Variants in TBC1D16 observed in about 807,000 individuals in gnomAD.
TBC1D16 encodes CTD-2529O21.1.
In TBC1D16, 58 loss-of-function variants were observed where a neutral mutation model predicts 74.7. The observed-to-expected ratio is 0.78, with a 90% CI of 0.63 to 0.97. The LOEUF is 0.97. TBC1D16 is among the 50% of genes least tolerant of loss of function. The pLI, the probability that TBC1D16 is intolerant of heterozygous loss-of-function variation, is 0.00. For synonymous variants in TBC1D16, 493 were observed against 474.7 expected, an observed-to-expected ratio of 1.04 and a Z score of -0.50; for missense variants, 1,014 against 1,079.5, an observed-to-expected ratio of 0.94 and a Z score of 0.85.
Position 79,939,969 on chromosome 17 carries a change from G to C in TBC1D16, c.*890C>G, listed in dbSNP as rs907124871. On this transcript the variant is annotated 3_prime_UTR_variant, in exon 12 of 12. Coordinates refer to ENST00000310924, the MANE Select transcript of TBC1D16 (RefSeq NM_019020.4). ...GGATCTTGCAAACACAAACACGCAC[G>C]CACGTGTGCATGCATGCATGCACGC... 2 of 152,132 alleles carry C rather than the reference G, an allele frequency of 1.3e-5. No homozygotes were observed. The highest frequency in any genetic ancestry group is 4.8e-5 in the African/African-American group (2 of 41,404). The allele number at this position is 152,132 out of a possible 1,614,324, so 9.4% of individuals were successfully genotyped here.
At chr17:79,945,149 G>GC in intron 9 of TBC1D16, 62 bp from the exon 10 acceptor site, 1 of 1,485,158 alleles carries the variant, frequency 6.7e-7, no homozygotes, top group South Asian at 1.3e-5. Flanking sequence ...TGCCCAGGAA[G>GC]CCCACTCCCA....
At position 79,950,162 on chromosome 17, in the gene TBC1D16, C is replaced by T. The variant is rs189985897; in HGVS notation, c.1257+249G>A. Among the ~76,000 whole-genome samples, 34 of 151,924 alleles carry T rather than the reference C, an allele frequency of 2.2e-4. No homozygotes were observed. Among genetic ancestry groups the T allele is most frequent in the African/African-American group, 7.5e-4 (31 of 41,472 alleles). Reference sequence around the variant, plus strand: ...GCATTTCACTGCAAACCCTTCTATGCAGGCTGACACGGTATCCCCCCAAAC... The same window carrying T: ...GCATTTCACTGCAAACCCTTCTATGTAGGCTGACACGGTATCCCCCCAAAC... On this transcript the variant is annotated intron_variant, in intron 6 of 11. Transcript: ENST00000310924. This position sits in a 1 kb window ranked among gnomAD's most constrained non-coding sequence, Gnocchi z 4.6.
intron 3 of TBC1D16, among the ~76,000 whole-genome samples, chr17:79,976,846 C>A (rs533177436): frequency 2.0e-5 from 3 of 152,304 alleles, no homozygotes; most frequent in African/African-American, 7.2e-5. Flanking sequence ...TCTATGGAAT[C>A]GGTCCCCAGA....
At chr17:80,032,725 A>G (rs1474365128) in intron 1 of TBC1D16, among the ~76,000 whole-genome samples, 1 of 152,182 alleles carries the variant, frequency 6.6e-6, no homozygotes, top group Non-Finnish European at 1.5e-5. Context: ...ACAGCAATAT[A>G]ATGCAAATGC....
rs2032373731 is a variant in TBC1D16 at position 79,944,868 on chromosome 17, T to C, written c.1908+40A>G. On this transcript the variant is annotated intron_variant, in intron 10 of 11. Coordinates refer to ENST00000310924, the MANE Select transcript of TBC1D16 (RefSeq NM_019020.4). This position sits in a 1 kb window ranked among gnomAD's most constrained non-coding sequence, Gnocchi z 7.7. ...GGTGGCCACGGTGGTTCAGGGGCCA[T>C]GGTCCCAACCTCCCCAGCCCTGGCC... 2 of 1,511,874 alleles carry C rather than the reference T, an allele frequency of 1.3e-6. No individual in the cohort carries two copies. Among genetic ancestry groups the C allele is most frequent in the Non-Finnish European group, 1.8e-6 (2 of 1,126,526 alleles). 93.7% of individuals were successfully genotyped at this position (1,511,874 alleles called of 1,614,324 possible).
In TBC1D16 at chr17:79,971,881, G is replaced by A. The variant is rs2034120125; in HGVS notation, c.780-19063C>T. Among the ~76,000 whole-genome samples, 1 of 152,186 alleles carries A rather than the reference G, an allele frequency of 6.6e-6. No homozygotes were observed. Among genetic ancestry groups the A allele is most frequent in the Admixed American group, 6.5e-5 (1 of 15,276 alleles). ...GGAGCAGGTGGCATGGGGGCTGGCT[G>A]TGGGGGTCTTTGTGGGGAAGAAAGA... On this transcript the variant is annotated intron_variant, in intron 3 of 11. Transcript: ENST00000310924. This position sits in a 1 kb window ranked among gnomAD's most constrained non-coding sequence, Gnocchi z 4.6.
intron 9 of TBC1D16, among the ~76,000 whole-genome samples, chr17:79,946,214 G>A (rs1041269158): frequency 1.1e-4 from 16 of 152,240 alleles, no homozygotes; most frequent in Non-Finnish European, 2.4e-4. Flanking sequence ...CCACGGACAA[G>A]GTAGTGCGAA....
At chr17:80,020,163 G>A (rs1027077737) in intron 1 of TBC1D16, among the ~76,000 whole-genome samples, 2 of 149,768 alleles carry the variant, frequency 1.3e-5, no homozygotes, top group African/African-American at 5.1e-5. Flanking sequence ...CAATCCTGCC[G>A]ACACCTTGAT....
At chr17:79,949,255 G>A (rs1289259812) in intron 7 of TBC1D16, among the ~76,000 whole-genome samples, 2 of 152,276 alleles carry the variant, frequency 1.3e-5, no homozygotes, top group Non-Finnish European at 2.9e-5. Context: ...GCAGCCCAGT[G>A]GGTAATGAGG....
At chr17:79,989,607 T>G (rs1267562472) in intron 3 of TBC1D16, among the ~76,000 whole-genome samples, 1 of 152,252 alleles carries the variant, frequency 6.6e-6, no homozygotes, top group Non-Finnish European at 1.5e-5. Context: ...TAGATACTGC[T>G]CATGTATTCT....
chr17:79,946,302 C>G (rs2032531076), intron 9 of TBC1D16, among the ~76,000 whole-genome samples: 1 of 152,240 alleles, frequency 6.6e-6, no homozygotes, highest in Non-Finnish European at 1.5e-5. Context: ...CTAGACCCCT[C>G]ACATGCTCAG....
At chr17:79,982,008 T>C (rs576008799) in intron 3 of TBC1D16, among the ~76,000 whole-genome samples, 19 of 152,370 alleles carry the variant, frequency 1.2e-4, no homozygotes, top group Non-Finnish European at 2.5e-4. Context: ...TCAGTTACTA[T>C]ATCCAGGGCC....
chr17:79,942,624 G>T (rs1474604644), intron 10 of TBC1D16, among the ~76,000 whole-genome samples: 3 of 152,176 alleles, frequency 2.0e-5, no homozygotes, highest in African/African-American at 7.2e-5. Context: ...GGTGTGTGCG[G>T]AAGTCTGGGT....
intron 3 of TBC1D16, among the ~76,000 whole-genome samples, chr17:79,996,221 C>T (rs1466198239): frequency 6.6e-6 from 1 of 152,198 alleles, no homozygotes; most frequent in East Asian, 1.9e-4. Context: ...CTGGTTGCCA[C>T]AATAAATCAT....
At chr17:80,025,115 C>CACCATGACACACA (rs1378974240) in intron 1 of TBC1D16, among the ~76,000 whole-genome samples, 14 of 81,802 alleles carry the variant, frequency 1.7e-4, no homozygotes, top group African/African-American at 4.4e-4. Flanking sequence ...CACACAAACA[C>CACCATGACACACA]CACAGACACA....
At chr17:79,968,512 A>G (rs2033934208) in intron 3 of TBC1D16, among the ~76,000 whole-genome samples, 1 of 152,226 alleles carries the variant, frequency 6.6e-6, no homozygotes, top group Non-Finnish European at 1.5e-5. Context: ...TCAACCAAAG[A>G]AAAAAATAGA....
intron 3 of TBC1D16, among the ~76,000 whole-genome samples, chr17:79,953,921 C>T (rs1368607466): frequency 6.6e-6 from 1 of 152,102 alleles, no homozygotes; most frequent in African/African-American, 2.4e-5. Flanking sequence ...CAGACGTCCA[C>T]CACCATGACC....
At chr17:79,972,501 C>T (rs973483284) in intron 3 of TBC1D16, among the ~76,000 whole-genome samples, 1 of 152,128 alleles carries the variant, frequency 6.6e-6, no homozygotes, top group Non-Finnish European at 1.5e-5. Flanking sequence ...GAGATTCTGA[C>T]ACAGGCTACA....
In TBC1D16 at chr17:79,975,110, A is replaced by G. The variant is rs1357774346; in HGVS notation, c.780-22292T>C. On this transcript the variant is annotated intron_variant, in intron 3 of 11. Transcript: ENST00000310924. The surrounding 1 kb of genome is among the most constrained non-coding windows in gnomAD (Gnocchi z 4.5). ...CGCAACGTTACTTGCAAGGCCACAA[A>G]CACCCGGAACAATCCGCCAGGCCGC... Among the ~76,000 whole-genome samples, 2 of 152,222 alleles carry G rather than the reference A, an allele frequency of 1.3e-5. No homozygotes were observed. Among genetic ancestry groups the G allele is most frequent in the Non-Finnish European group, 2.9e-5 (2 of 68,034 alleles).
Sources: allele counts gnomAD v4.1 joint callset (sites outside exome capture counted in the v4.1 genomes callset), GRCh38; gene constraint gnomAD v4.1.1; non-coding constraint Gnocchi (gnomAD v3.1); transcripts MANE v1.5; gene names NCBI Gene and HGNC (gene_info 2026-07-23, HGNC 2026-07-21).